PKN2: variants seen among roughly 807,000 people sequenced by gnomAD.
PKN2 encodes the protein serine/threonine-protein kinase N2.
PKN2 carries 38 observed loss-of-function variants against 119.1 expected under a neutral mutation model. The ratio of observed to expected loss-of-function variants is 0.32; its 90% CI spans 0.25 to 0.42. The LOEUF (loss-of-function observed/expected upper bound fraction) is 0.42. Among genes scored for constraint, PKN2 ranks in the 10% least tolerant of loss-of-function variants. PKN2 has a pLI of 1.00. For synonymous variants in PKN2, 390 were observed against 384.9 expected (o/e 1.01, Z -0.15); for missense variants, 850 against 1,165.1 (o/e 0.73, Z 3.94).
In PKN2 at chr1:88,746,756, GTA is replaced by G. The variant is rs1275834695; in HGVS notation, c.349+5474_349+5475del. Reference sequence around the variant, plus strand: ...TACAATCCAGCAATTCCTCTTCTGGGTATATATTCAAAGAAATTTAAATCAGC... The same window carrying G: ...TACAATCCAGCAATTCCTCTTCTGGGTATATTCAAAGAAATTTAAATCAGC... On this transcript the variant is annotated intron_variant, in intron 2 of 21. Coordinates refer to ENST00000370521, the MANE Select transcript of PKN2 (RefSeq NM_006256.4). Among the ~76,000 whole-genome samples, 4 of 152,074 alleles carry G rather than the reference GTA, an allele frequency of 2.6e-5. No individual in the cohort carries two copies. In the South Asian group the frequency reaches 8.3e-4, roughly 32 times the overall value.
chr1:88,704,778 CAAAAAA>C (rs35670791), intron 1 of PKN2, among the ~76,000 whole-genome samples: 3 of 75,950 alleles, frequency 3.9e-5, no homozygotes, highest in Admixed American at 1.5e-4. Context: ...GACCCTGTCT[CAAAAAA>C]AAAAAAAAAA....
At chr1:88,800,612 A>G (rs981378781) in intron 8 of PKN2, among the ~76,000 whole-genome samples, 6 of 152,216 alleles carry the variant, frequency 3.9e-5, no homozygotes, top group Admixed American at 2.0e-4. Context: ...TGTGTTCCCT[A>G]TGAAAAGTGA....
intron 1 of PKN2, among the ~76,000 whole-genome samples, chr1:88,689,366 G>T (rs945063260): frequency 6.6e-6 from 1 of 151,932 alleles, no homozygotes; most frequent in Admixed American, 6.6e-5. Flanking sequence ...GAATTTTGAA[G>T]AAAAATGAAG....
chr1:88,777,278 ATGT>A (rs1670145883), intron 6 of PKN2, among the ~76,000 whole-genome samples: 1 of 151,998 alleles, frequency 6.6e-6, no homozygotes, highest in Non-Finnish European at 1.5e-5. Context: ...ATCCATATTG[ATGT>A]TCTCTATTTG....
intron 1 of PKN2, among the ~76,000 whole-genome samples, chr1:88,700,019 G>T (rs1274173077): frequency 6.6e-6 from 1 of 152,066 alleles, no homozygotes; most frequent in Admixed American, 6.6e-5. Flanking sequence ...CCAACCTCAG[G>T]TGATCCACCC....
At chr1:88,793,427 G>A (rs918816283) in intron 8 of PKN2, among the ~76,000 whole-genome samples, 2 of 151,950 alleles carry the variant, frequency 1.3e-5, no homozygotes, top group Non-Finnish European at 2.9e-5. Context: ...AAAAATCCAC[G>A]TATAAGTCGA....
intron 3 of PKN2, among the ~76,000 whole-genome samples, chr1:88,764,919 TTTG>T (rs1377729437): frequency 6.6e-6 from 1 of 151,342 alleles, no homozygotes; most frequent in Non-Finnish European, 1.5e-5. Context: ...TTATTGTTGT[TTTG>T]TTTTGTTTTG....
chr1:88,732,455 G>T (rs1375363602), intron 1 of PKN2, among the ~76,000 whole-genome samples: 3 of 152,052 alleles, frequency 2.0e-5, no homozygotes, highest in Non-Finnish European at 4.4e-5. Context: ...CTAATCAAGG[G>T]CACAAATAAG....
chr1:88,736,118 T>C (rs1348509475), intron 1 of PKN2, among the ~76,000 whole-genome samples: 2 of 152,220 alleles, frequency 1.3e-5, no homozygotes, highest in Admixed American at 6.5e-5. Context: ...GCTGTTGATA[T>C]TCTCTACTGC....
chr1:88,758,373 C>CT (rs36111457), intron 2 of PKN2, among the ~76,000 whole-genome samples: 89,041 of 150,690 alleles, frequency 0.59, 26,366 homozygotes, highest in Middle Eastern at 0.82. Context: ...ACATATTATG[C>CT]TTTTTTTTTA....
At position 88,740,331 on chromosome 1, in the gene PKN2, T is replaced by A. The variant is rs1302452970; in HGVS notation, c.49-657T>A. On this transcript the variant is annotated intron_variant, in intron 1 of 21. Transcript: ENST00000370521. ...TCTATTTTGCCAATATTCATTTATT[T>A]TTAAGAAGTTTCTTACAGAAGATAA... Among the ~76,000 whole-genome samples the A allele has an allele frequency of 4.6e-5, 7 of 152,258 alleles. No homozygotes were observed. The East Asian group carries it at 1.3e-3, about 29-fold the overall frequency.
At chr1:88,755,368 T>C (rs1225753421) in intron 2 of PKN2, among the ~76,000 whole-genome samples, 1 of 152,156 alleles carries the variant, frequency 6.6e-6, no homozygotes, top group Admixed American at 6.6e-5. Context: ...CAGCAGTGTT[T>C]CTCTGATTTC....
intron 17 of PKN2, among the ~76,000 whole-genome samples, chr1:88,823,444 G>A (rs1450467642): frequency 1.3e-5 from 2 of 152,034 alleles, no homozygotes; most frequent in Non-Finnish European, 2.9e-5. Flanking sequence ...GCTCATACCT[G>A]TAATCCCAGC....
At chr1:88,770,152 T>C (rs1669824702) in intron 3 of PKN2, among the ~76,000 whole-genome samples, 200 bp from the exon 4 acceptor site, 1 of 152,062 alleles carries the variant, frequency 6.6e-6, no homozygotes, top group Non-Finnish European at 1.5e-5. Context: ...ACTAATGGAG[T>C]TGTTTTTCAC....
rs190914669 is a variant in PKN2 at position 88,762,619 on chromosome 1, C to T, written c.504+2243C>T. 1.8e-4 allele frequency among the ~76,000 whole-genome samples: 28 copies of T among 152,214 alleles called. No homozygotes were observed. The East Asian group carries it at 4.2e-3, about 23-fold the overall frequency. On this transcript the variant is annotated intron_variant, in intron 3 of 21. Transcript: ENST00000370521. ...ATAAAGATGGTGCCTTATTACATAG[C>T]AGGTACTCAATATATAATATCCTGC...
chr1:88,744,864 T>G (rs764848644), intron 2 of PKN2, among the ~76,000 whole-genome samples: 31 of 152,238 alleles, frequency 2.0e-4, no homozygotes, highest in Non-Finnish European at 4.4e-4. Context: ...GTCTGATTGT[T>G]TGAGAAAGTT....
intron 18 of PKN2, among the ~76,000 whole-genome samples, chr1:88,825,165 A>G (rs1033227007): frequency 6.6e-6 from 1 of 152,228 alleles, no homozygotes; most frequent in South Asian, 2.1e-4. Flanking sequence ...TGAACTCTGT[A>G]GATATATGCC....
At chr1:88,765,088 G>C (rs1570596212) in intron 3 of PKN2, among the ~76,000 whole-genome samples, 1 of 147,080 alleles carries the variant, frequency 6.8e-6, no homozygotes, top group East Asian at 1.9e-4. Context: ...CACTATGCCT[G>C]GCTACTTTTT....
chr1:88,787,359 A>G (rs1570630005), intron 8 of PKN2, among the ~76,000 whole-genome samples: 1 of 152,294 alleles, frequency 6.6e-6, no homozygotes, highest in Non-Finnish European at 1.5e-5. Context: ...TCTTATAACA[A>G]GGTTATTGTT....
Sources: gnomAD v4.1 joint callset for allele counts (sites outside exome capture counted in the v4.1 genomes callset) on GRCh38, gnomAD v4.1.1 for gene constraint, MANE v1.5 for transcripts, NCBI Gene and HGNC (gene_info 2026-07-23, HGNC 2026-07-21) for gene names.